Variants in TTLL7 observed in about 807,000 individuals in gnomAD.
TTLL7 encodes the protein tubulin tyrosine ligase like 7, also known as tubulin polyglutamylase TTLL7.
TTLL7 carries 53 observed loss-of-function variants against 120.2 expected under a neutral mutation model. That is an observed-to-expected ratio of 0.44 (90% CI 0.35 to 0.55). The LOEUF is 0.55. Ranked by LOEUF, TTLL7 falls within the 20% of genes least tolerant of loss-of-function variation. The pLI, the probability that TTLL7 is intolerant of heterozygous loss-of-function variation, is 0.00. For synonymous variants in TTLL7, 353 were observed against 351.7 expected, an observed-to-expected ratio of 1.00 and a Z score of -0.04; for missense variants, 803 against 1,054.7, an observed-to-expected ratio of 0.76 and a Z score of 3.31.
At chr1:83,966,902 T>C (rs1012116472) in intron 1 of TTLL7, among the ~76,000 whole-genome samples, 4 of 152,100 alleles carry the variant, frequency 2.6e-5, no homozygotes, top group African/African-American at 9.7e-5. Flanking sequence ...GCATCAACTC[T>C]TGATGGCCAG....
At chr1:83,918,205 A>G (rs1436075489) in intron 13 of TTLL7, among the ~76,000 whole-genome samples, 2 of 152,200 alleles carry the variant, frequency 1.3e-5, no homozygotes, top group Non-Finnish European at 2.9e-5. Flanking sequence ...ATGATTGCAC[A>G]AAGTATTTTT....
chr1:83,871,339 A>G (rs1382981174), intron 20 of TTLL7, among the ~76,000 whole-genome samples: 2 of 152,164 alleles, frequency 1.3e-5, no homozygotes, highest in African/African-American at 4.8e-5. Context: ...CCTGTGAAAA[A>G]TCTTGACTAG....
Position 83,907,062 on chromosome 1 carries a change from G to T in TTLL7, c.1992+394C>A, listed in dbSNP as rs537301949. ...ACATTGTACTTAAGTGCTCTAAGGAGAATTTATCATTTTTTAACCTATTAA... is the reference window on the plus strand; with the variant it reads ...ACATTGTACTTAAGTGCTCTAAGGATAATTTATCATTTTTTAACCTATTAA... On this transcript the variant is annotated intron_variant, in intron 16 of 20. Transcript: ENST00000260505. 2.0e-5 allele frequency among the ~76,000 whole-genome samples: 3 copies of T among 152,050 alleles called. No homozygotes were observed. In the South Asian group the frequency reaches 6.2e-4, roughly 32 times the overall value.
At chr1:83,976,591 G>C (rs1300596843) in intron 1 of TTLL7, among the ~76,000 whole-genome samples, 2 of 151,956 alleles carry the variant, frequency 1.3e-5, no homozygotes, top group Admixed American at 1.3e-4. Context: ...ATTCCCACTA[G>C]AGTTACTTTA....
At chr1:83,961,275 T>A (rs1005824259) in intron 1 of TTLL7, among the ~76,000 whole-genome samples, 3 of 152,088 alleles carry the variant, frequency 2.0e-5, no homozygotes, top group Non-Finnish European at 2.9e-5. Flanking sequence ...ATTTCTAGAA[T>A]CAAACAAATT....
Position 83,987,962 on chromosome 1 carries a change from G to A in TTLL7, c.-177+10969C>T, listed in dbSNP as rs144202609. 2.4e-3 allele frequency among the ~76,000 whole-genome samples: 367 copies of A among 152,246 alleles called. 3 individuals are homozygous for A. The highest frequency in any genetic ancestry group is 8.5e-3 in the African/African-American group (354 of 41,532). ...ATATTGCATGATGCTGAGGTTTGGG[G>A]TATAATTGATTCCATCACACAGGTA... On this transcript the variant is annotated intron_variant, in intron 1 of 20. Coordinates refer to ENST00000260505, the MANE Select transcript of TTLL7 (RefSeq NM_024686.6).
In TTLL7 at chr1:83,949,875, T is replaced by A. The variant is rs1431942179; in HGVS notation, c.269A>T (p.Gln90Leu). 1.9e-6 allele frequency: 3 copies of A among 1,613,598 alleles called. No individual in the cohort carries two copies. In the South Asian group the frequency reaches 3.3e-5, roughly 18 times the overall value. ...AVQQEKISEL[Q>L]NYQRINHFPG... ...TGATTAATTTCCTACCTGATAATTTTGCAGCTCTGAAATTTTCTCCTGCTG... is the reference window on the plus strand; with the variant it reads ...TGATTAATTTCCTACCTGATAATTTAGCAGCTCTGAAATTTTCTCCTGCTG... Residue 90 changes from glutamine to leucine, a missense_variant, in exon 4 of 21, where the codon CAA (glutamine) becomes CTA (leucine). Gln to Leu is a moderately radical substitution (Grantham distance 113). This residue lies in a region of TTLL7 where 324 missense variants were observed against 507.7 expected (regional missense o/e 0.64). Coordinates refer to ENST00000260505, the MANE Select transcript of TTLL7 (RefSeq NM_024686.6).
intron 1 of TTLL7, among the ~76,000 whole-genome samples, chr1:83,992,136 C>A (rs889978723): frequency 1.3e-5 from 2 of 152,090 alleles, no homozygotes; most frequent in Non-Finnish European, 1.5e-5. Flanking sequence ...TTTCTTTCTG[C>A]CAAAAATGCT....
chr1:83,929,294 C>A, intron 9 of TTLL7, 64 bp from the exon 10 acceptor site: 1 of 1,251,144 alleles, frequency 8.0e-7, no homozygotes, highest in Non-Finnish European at 1.1e-6. Context: ...TTTGTTAATC[C>A]AATGTGGGAT....
intron 10 of TTLL7, among the ~76,000 whole-genome samples, chr1:83,927,313 G>A (rs989310164): frequency 6.6e-6 from 1 of 152,146 alleles, no homozygotes; most frequent in Admixed American, 6.6e-5. Context: ...AAACACCACA[G>A]AGGATAAGAG....
At chr1:83,903,942 T>G (rs752011733) in intron 18 of TTLL7, 137 bp downstream of exon 18, 1 of 702,544 alleles carries the variant, frequency 1.4e-6, no homozygotes, top group African/African-American at 1.8e-5. Flanking sequence ...TGACACATAA[T>G]AGATACTTAA....
intron 9 of TTLL7, among the ~76,000 whole-genome samples, chr1:83,931,698 G>T (rs1659611609): frequency 6.6e-6 from 1 of 151,936 alleles, no homozygotes; most frequent in Non-Finnish European, 1.5e-5. Context: ...ACTATTGGTG[G>T]TATCTTCATA....
rs148118965 is a variant in TTLL7, at chr1:83,934,460, G to C, written c.889-694C>G. Among the ~76,000 whole-genome samples the C allele has an allele frequency of 1.3e-3, 196 of 152,254 alleles. 3 individuals are homozygous for C. Among genetic ancestry groups the C allele is most frequent in the African/African-American group, 4.4e-3 (183 of 41,556 alleles). On this transcript the variant is annotated intron_variant, in intron 8 of 20. Coordinates refer to ENST00000260505, the MANE Select transcript of TTLL7 (RefSeq NM_024686.6). Reference sequence around the variant, plus strand: ...TGAAAGGGCTGGAAGACAAAATCTTGAGAGTTGAGTTTCTTTATTCAGTGA... The same window carrying C: ...TGAAAGGGCTGGAAGACAAAATCTTCAGAGTTGAGTTTCTTTATTCAGTGA...
intron 1 of TTLL7, among the ~76,000 whole-genome samples, chr1:83,972,260 C>T (rs1174902098): frequency 6.6e-6 from 1 of 152,000 alleles, no homozygotes; most frequent in Non-Finnish European, 1.5e-5. Flanking sequence ...TCTGTCTGTT[C>T]ATCCTTCCCC....
Position 83,947,165 on chromosome 1 carries a change from T to C in TTLL7, c.465A>G (p.Lys155=). The change falls in exon 6 of 21, where the codon AAA becomes AAG. Residue 155 remains lysine, a synonymous_variant. Transcript: ENST00000260505. Reference sequence around the variant, plus strand: ...CATTAGCTGGTTTCACTATAAAAGTTTTCTGCTTCCGTTTTTTCTTCAATT... The same window carrying C: ...CATTAGCTGGTTTCACTATAAAAGTCTTCTGCTTCCGTTTTTTCTTCAATT... ...VKELKKKRKQ[K]TFIVKPANGA... 11 of 1,613,428 alleles carry C rather than the reference T, an allele frequency of 6.8e-6. No individual in the cohort carries two copies. The highest frequency in any genetic ancestry group is 9.3e-6 in the Non-Finnish European group (11 of 1,179,740).
intron 19 of TTLL7, among the ~76,000 whole-genome samples, chr1:83,889,329 G>T (rs547179501): frequency 6.6e-6 from 1 of 152,014 alleles, no homozygotes; most frequent in African/African-American, 2.4e-5. Flanking sequence ...CCCATGACAC[G>T]TGGGGATTAT....
At chr1:83,997,469 A>T (rs1193193043) in intron 1 of TTLL7, among the ~76,000 whole-genome samples, 3 of 152,226 alleles carry the variant, frequency 2.0e-5, no homozygotes, top group Non-Finnish European at 4.4e-5. Flanking sequence ...AAACTAATTC[A>T]GTTTCCCACT....
In TTLL7 at chr1:83,870,174, A is replaced by G. The variant is rs915612965; in HGVS notation, c.2544-92T>C. 2.0e-5 allele frequency: 24 copies of G among 1,207,830 alleles called. No homozygotes were observed. In the African/African-American group the frequency reaches 3.5e-4, roughly 18 times the overall value. 74.8% of individuals were successfully genotyped at this position (1,207,830 alleles called of 1,614,324 possible). On this transcript the variant is annotated intron_variant, in intron 20 of 20. Coordinates refer to ENST00000260505, the MANE Select transcript of TTLL7 (RefSeq NM_024686.6). ...GTGGTTAGCAATTTACGTAGTCTAT[A>G]TGAGAAATGTTACTGTAACAAAAAT...
Position 83,867,336 on chromosome 1 carries a change from A to G in TTLL7, c.*2626T>C, listed in dbSNP as rs754794732. On this transcript the variant is annotated 3_prime_UTR_variant, in exon 21 of 21. Transcript: ENST00000260505. ...GTCCATAGCATACCAGGTAGTATAT[A>G]TAAATAATGAACACAAGGCTTTTAT... The G allele has an allele frequency of 3.9e-5, 6 of 152,052 alleles. No individual in the cohort carries two copies. Among genetic ancestry groups the G allele is most frequent in the Non-Finnish European group, 8.8e-5 (6 of 67,902 alleles). The allele number at this position is 152,052 out of a possible 1,614,324, so 9.4% of individuals were successfully genotyped here. A position where few individuals can be genotyped will look rare whatever the true frequency, so the allele number is the denominator to read the frequency against.
Sources: gnomAD v4.1 joint callset for allele counts (sites outside exome capture counted in the v4.1 genomes callset) on GRCh38, gnomAD v4.1.1 for gene constraint, gnomAD v4.1.1 regional missense constraint, MANE v1.5 for transcripts, NCBI Gene and HGNC (gene_info 2026-07-23, HGNC 2026-07-21) for gene names.